The following CFTR variants were observed in gnomAD, a reference collection of about 807,000 sequenced individuals.
CFTR encodes cystic fibrosis transmembrane conductance regulator.
Under a neutral mutation model 171.6 loss-of-function variants are expected in CFTR, and 181 were observed. The observed-to-expected ratio is 1.05, with a 90% CI of 0.93 to 1.19. The LOEUF is 1.19. CFTR is among the 50% of genes most tolerant of loss of function. CFTR has a pLI of 0.00. For missense variants in CFTR, 1,968 were observed against 1,734.7 expected, an observed-to-expected ratio of 1.13 and a Z score of -2.39; for synonymous variants, 583 against 608.0, an observed-to-expected ratio of 0.96 and a Z score of 0.60.
chr7:117,584,812 G>A (rs1317271105), intron 11 of CFTR, among the ~76,000 whole-genome samples: 1 of 151,752 alleles, frequency 6.6e-6, no homozygotes, highest in African/African-American at 2.4e-5. Flanking sequence ...CATGGGATGT[G>A]TTTCCATTTG....
intron 11 of CFTR, among the ~76,000 whole-genome samples, chr7:117,561,309 C>CT (rs34410639): frequency 3.5e-4 from 53 of 149,892 alleles, no homozygotes; most frequent in African/African-American, 9.8e-4. Flanking sequence ...GGAAGAACAT[C>CT]TTTTTTTTTT....
intron 23 of CFTR, among the ~76,000 whole-genome samples, chr7:117,648,803 G>A (rs547986908): frequency 2.0e-5 from 3 of 152,048 alleles, no homozygotes; most frequent in Non-Finnish European, 4.4e-5. Flanking sequence ...TGGCACCCCT[G>A]GAAGCAAGAG....
At chr7:117,583,929 T>C (rs1383650969) in intron 11 of CFTR, among the ~76,000 whole-genome samples, 1 of 152,214 alleles carries the variant, frequency 6.6e-6, no homozygotes, top group African/African-American at 2.4e-5. Context: ...TAATCAGTGA[T>C]GTTGAGCATT....
At chr7:117,586,274 A>G (rs1791932880) in intron 11 of CFTR, 1 of 152,130 alleles carries the variant, frequency 6.6e-6, no homozygotes, top group African/African-American at 2.4e-5. Flanking sequence ...ATGTCTCATA[A>G]CCACTGAAGG....
At chr7:117,491,908 A>G (rs1342747256) in intron 1 of CFTR, among the ~76,000 whole-genome samples, 1 of 152,112 alleles carries the variant, frequency 6.6e-6, no homozygotes, top group African/African-American at 2.4e-5. Flanking sequence ...TTGAGACCAT[A>G]AAGTATATAC....
intron 1 of CFTR, among the ~76,000 whole-genome samples, chr7:117,489,801 T>C (rs1798127778): frequency 6.6e-6 from 1 of 151,814 alleles, no homozygotes; most frequent in East Asian, 1.9e-4. Flanking sequence ...AGTCCTACAT[T>C]TGAGAATGTG....
At chr7:117,585,811 TA>T (rs1440924976) in intron 11 of CFTR, among the ~76,000 whole-genome samples, 3 of 152,032 alleles carry the variant, frequency 2.0e-5, no homozygotes. Flanking sequence ...CCAGCTAATT[TA>T]AAAGGAAAAA....
At chr7:117,656,336 T>C (rs1321846267) in intron 24 of CFTR, among the ~76,000 whole-genome samples, 1 of 152,134 alleles carries the variant, frequency 6.6e-6, no homozygotes, top group African/African-American at 2.4e-5. Flanking sequence ...CAAATGACAA[T>C]AGTTTTCTTT....
Position 117,523,554 on chromosome 7 carries a change from T to C in CFTR, c.274-7345T>C, listed in dbSNP as rs574374480. ...TCCACGCCCAGCTAAATTTTTTGTA[T>C]TTTTAGTAGAGACGAGGTTTCACTG... On this transcript the variant is annotated intron_variant, in intron 3 of 26. Transcript: ENST00000003084. Among the ~76,000 whole-genome samples the C allele has an allele frequency of 6.6e-5, 10 of 152,168 alleles. No homozygotes were observed. In the East Asian group the frequency reaches 1.5e-3, roughly 24 times the overall value.
At chr7:117,484,573 CA>C (rs1798043760) in intron 1 of CFTR, among the ~76,000 whole-genome samples, 1 of 152,134 alleles carries the variant, frequency 6.6e-6, no homozygotes, top group Non-Finnish European at 1.5e-5. Flanking sequence ...TGTTATTACA[CA>C]GTTGAGATTT....
At chr7:117,561,885 C>T (rs1791503700) in intron 11 of CFTR, among the ~76,000 whole-genome samples, 2 of 152,162 alleles carry the variant, frequency 1.3e-5, no homozygotes, top group Non-Finnish European at 1.5e-5. Context: ...GGCTAATGTC[C>T]TCTGATGGAA....
At chr7:117,659,894 A>C (rs1370660722) in intron 24 of CFTR, among the ~76,000 whole-genome samples, 1 of 152,224 alleles carries the variant, frequency 6.6e-6, no homozygotes, top group African/African-American at 2.4e-5. Flanking sequence ...TGGATTATTC[A>C]GTAAAACCAC....
At chr7:117,566,077 A>C (rs1791596789) in intron 11 of CFTR, among the ~76,000 whole-genome samples, 1 of 152,162 alleles carries the variant, frequency 6.6e-6, no homozygotes, top group Non-Finnish European at 1.5e-5. Flanking sequence ...AGAACTGAAA[A>C]TAAAGAAGTA....
chr7:117,554,176 AGG>A (rs1799314767), intron 10 of CFTR, among the ~76,000 whole-genome samples: 1 of 152,186 alleles, frequency 6.6e-6, no homozygotes, highest in African/African-American at 2.4e-5. Flanking sequence ...GAGACAAGGG[AGG>A]AAGCAAGGAG....
Position 117,649,515 on chromosome 7 carries a change from A to AT in CFTR, c.3874-3326dup, listed in dbSNP as rs1455345979. Among the ~76,000 whole-genome samples, 272 of 71,338 alleles carry AT rather than the reference A, an allele frequency of 3.8e-3. 3 individuals carry two copies. The highest frequency in any genetic ancestry group is 0.032 in the African/African-American group (251 of 7,728). 46.8% of individuals were successfully genotyped at this position (71,338 alleles called of 152,430 possible). On this transcript the variant is annotated intron_variant, in intron 23 of 26. Coordinates refer to ENST00000003084, the MANE Select transcript of CFTR (RefSeq NM_000492.4). The stretch of plus-strand genomic sequence containing the variant: ...TGTGTGTGTATATATATATATATAT[A>AT]TATATTTTTTTTTTCCTGAGCCAAA...
chr7:117,613,947 A>G (rs1412427658), intron 20 of CFTR, among the ~76,000 whole-genome samples: 1 of 151,900 alleles, frequency 6.6e-6, no homozygotes, highest in African/African-American at 2.4e-5. Context: ...GCCCTAAAAA[A>G]AAAATTACTG....
At chr7:117,658,999 T>A (rs1373261923) in intron 24 of CFTR, among the ~76,000 whole-genome samples, 2 of 152,176 alleles carry the variant, frequency 1.3e-5, no homozygotes, top group Non-Finnish European at 2.9e-5. Flanking sequence ...CTTCATGATT[T>A]TGTCTTTGTT....
intron 23 of CFTR, among the ~76,000 whole-genome samples, chr7:117,648,324 T>TA (rs1201342854): frequency 1.3e-5 from 2 of 151,988 alleles, no homozygotes; most frequent in Non-Finnish European, 2.9e-5. Context: ...CATCCAATGC[T>TA]AAAGCATAAT....
At chr7:117,580,022 AT>A (rs1791827244) in intron 11 of CFTR, among the ~76,000 whole-genome samples, 1 of 151,952 alleles carries the variant, frequency 6.6e-6, no homozygotes, top group African/African-American at 2.4e-5. Flanking sequence ...AAATATAGGA[AT>A]TTTTCACTTG....
Sources: allele counts gnomAD v4.1 joint callset (sites outside exome capture counted in the v4.1 genomes callset), GRCh38; gene constraint gnomAD v4.1.1; transcripts MANE v1.5; gene names NCBI Gene and HGNC (gene_info 2026-07-23, HGNC 2026-07-21).